The following LUZP2 variants were observed in gnomAD, a reference collection of about 807,000 sequenced individuals.
LUZP2 encodes the protein leucine zipper protein 2.
LUZP2 carries 52 observed loss-of-function variants against 51.6 expected under a neutral mutation model. The observed-to-expected ratio is 1.01, with a 90% CI of 0.81 to 1.27. The LOEUF (loss-of-function observed/expected upper bound fraction) is 1.27. Ranked by LOEUF, LUZP2 falls within the 50% of genes most tolerant of loss-of-function variation. LUZP2 has a pLI of 0.00. For missense variants in LUZP2, 436 were observed against 395.4 expected (o/e 1.10, Z -0.87); for synonymous variants, 154 against 137.3 (o/e 1.12, Z -0.85).
At chr11:24,581,042 G>T (rs2133821297) in intron 1 of LUZP2, among the ~76,000 whole-genome samples, 1 of 152,038 alleles carries the variant, frequency 6.6e-6, no homozygotes, top group South Asian at 2.1e-4. Context: ...ATTTCTCAAA[G>T]CTCTGAGGCA....
intron 1 of LUZP2, among the ~76,000 whole-genome samples, chr11:24,677,368 T>C (rs7128905): frequency 0.96 from 145,484 of 152,296 alleles, 69,532 homozygotes; most frequent in East Asian, 1. Flanking sequence ...CCTGCATGAC[T>C]CTGTTCTTGT....
chr11:24,931,278 C>A (rs185470007), intron 7 of LUZP2, among the ~76,000 whole-genome samples: 5 of 149,170 alleles, frequency 3.4e-5, no homozygotes, highest in African/African-American at 1.2e-4. Context: ...ATAAAAAGTT[C>A]TTTTTTATTT....
At chr11:24,960,032 G>A (rs1210484505) in intron 7 of LUZP2, among the ~76,000 whole-genome samples, 1 of 152,166 alleles carries the variant, frequency 6.6e-6, no homozygotes, top group Non-Finnish European at 1.5e-5. Flanking sequence ...CTTTGGTTCT[G>A]TTGATATGCT....
chr11:24,601,935 T>A lies in LUZP2; in HGVS notation c.62+104630T>A, dbSNP rs1037985708. Among the ~76,000 whole-genome samples, 59 of 116,524 alleles carry A rather than the reference T, an allele frequency of 5.1e-4. 1 individual carries two copies. Among genetic ancestry groups the A allele is most frequent in the Non-Finnish European group, 6.8e-4 (37 of 54,454 alleles). 76.4% of individuals were successfully genotyped at this position (116,524 alleles called of 152,430 possible). A position where few individuals can be genotyped will look rare whatever the true frequency, so the allele number is the denominator to read the frequency against. Reference sequence around the variant, plus strand: ...ATGTATATATGTATATATATGTATATATGTATATATGTATAAATGTATATA... The same window carrying A: ...ATGTATATATGTATATATATGTATAAATGTATATATGTATAAATGTATATA... On this transcript the variant is annotated intron_variant, in intron 1 of 11. Transcript: ENST00000336930.
chr11:24,978,995 A>T (rs901353815), intron 8 of LUZP2, among the ~76,000 whole-genome samples: 1 of 151,744 alleles, frequency 6.6e-6, no homozygotes, highest in African/African-American at 2.4e-5. Context: ...GTCTCCAGAG[A>T]TAGTCTACTT....
At chr11:25,008,997 C>G (rs2133954957) in intron 9 of LUZP2, among the ~76,000 whole-genome samples, 1 of 152,284 alleles carries the variant, frequency 6.6e-6, no homozygotes, top group Non-Finnish European at 1.5e-5. Context: ...TGGGATTTCA[C>G]AGGGGACCAC....
intron 1 of LUZP2, among the ~76,000 whole-genome samples, chr11:24,531,210 A>G (rs969622237): frequency 3.3e-5 from 5 of 150,562 alleles, no homozygotes; most frequent in African/African-American, 1.2e-4. Context: ...TGAAGACTAA[A>G]CAATGTATAT....
At chr11:24,622,744 T>A (rs1854541579) in intron 1 of LUZP2, among the ~76,000 whole-genome samples, 1 of 152,130 alleles carries the variant, frequency 6.6e-6, no homozygotes, top group African/African-American at 2.4e-5. Context: ...ACATCCCACT[T>A]CCTAGGATTA....
At chr11:24,798,285 A>C (rs1436017052) in intron 5 of LUZP2, among the ~76,000 whole-genome samples, 3 of 151,920 alleles carry the variant, frequency 2.0e-5, no homozygotes, top group Non-Finnish European at 4.4e-5. Context: ...TGGCAAGATC[A>C]TAGCTCACTA....
chr11:24,945,982 C>T (rs1381362822), intron 7 of LUZP2, among the ~76,000 whole-genome samples: 1 of 151,912 alleles, frequency 6.6e-6, no homozygotes. Flanking sequence ...TCCCCTTTTT[C>T]CCTAGACCCA....
At chr11:24,920,163 A>G (rs924712951) in intron 7 of LUZP2, among the ~76,000 whole-genome samples, 3 of 151,882 alleles carry the variant, frequency 2.0e-5, no homozygotes, top group African/African-American at 4.8e-5. Context: ...CAATCTATCA[A>G]CTTCTCTGTT....
intron 9 of LUZP2, among the ~76,000 whole-genome samples, chr11:24,995,513 A>G (rs910975634): frequency 6.6e-6 from 1 of 152,204 alleles, no homozygotes; most frequent in Non-Finnish European, 1.5e-5. Flanking sequence ...GTATAAATTT[A>G]ACTTTTCATG....
intron 10 of LUZP2, among the ~76,000 whole-genome samples, chr11:25,068,308 G>A (rs1195440509): frequency 6.6e-6 from 1 of 151,890 alleles, no homozygotes; most frequent in East Asian, 1.9e-4. Context: ...AGAAGTTAAA[G>A]TATGGTTAAA....
intron 9 of LUZP2, among the ~76,000 whole-genome samples, chr11:25,035,900 T>C (rs1857843510): frequency 6.6e-6 from 1 of 152,142 alleles, no homozygotes; most frequent in African/African-American, 2.4e-5. Context: ...TACATCTATG[T>C]TCATGAGGGA....
rs74332572 is a variant in LUZP2 at position 25,031,314 on chromosome 11, G to C, written c.766-18724G>C. On this transcript the variant is annotated intron_variant, in intron 9 of 11. Coordinates refer to ENST00000336930, the MANE Select transcript of LUZP2 (RefSeq NM_001009909.4). ...CGTGAGCCACCATGCCCAGACTACT[G>C]TATTTTTGATACCGTTTGATAAATA... Among the ~76,000 whole-genome samples, 494 of 151,696 alleles carry C rather than the reference G, an allele frequency of 3.3e-3. 3 individuals are homozygous for C. Among genetic ancestry groups the C allele is most frequent in the African/African-American group, 0.011 (469 of 41,386 alleles).
intron 5 of LUZP2, among the ~76,000 whole-genome samples, chr11:24,865,208 C>A (rs1851854452): frequency 6.6e-6 from 1 of 152,168 alleles, no homozygotes; most frequent in Admixed American, 6.5e-5. Flanking sequence ...GTGGCTTATT[C>A]CCTCTCAGGT....
At chr11:24,683,230 T>A (rs547678261) in intron 1 of LUZP2, among the ~76,000 whole-genome samples, 1 of 152,346 alleles carries the variant, frequency 6.6e-6, no homozygotes, top group East Asian at 1.9e-4. Flanking sequence ...CTACATTTTT[T>A]AGTCATTTCT....
At chr11:24,863,867 T>C (rs1851810576) in intron 5 of LUZP2, among the ~76,000 whole-genome samples, 1 of 152,184 alleles carries the variant, frequency 6.6e-6, no homozygotes, top group Non-Finnish European at 1.5e-5. Flanking sequence ...ATCTAAGATA[T>C]CATAATTGAG....
chr11:25,050,349 T>C (rs1858460548), intron 10 of LUZP2, among the ~76,000 whole-genome samples: 1 of 130,280 alleles, frequency 7.7e-6, no homozygotes, highest in Non-Finnish European at 1.6e-5. Flanking sequence ...TCGCCCAGGC[T>C]GGAGTGCAGT....
Sources: allele counts gnomAD v4.1 joint callset (sites outside exome capture counted in the v4.1 genomes callset), GRCh38; gene constraint gnomAD v4.1.1; transcripts MANE v1.5; gene names NCBI Gene and HGNC (gene_info 2026-07-23, HGNC 2026-07-21).